Variants in GPAM observed in about 807,000 individuals in gnomAD.
The protein encoded by GPAM is glycerol-3-phosphate acyltransferase, mitochondrial.
Under a neutral mutation model 105.0 loss-of-function variants are expected in GPAM, and 56 were observed. That is an observed-to-expected ratio of 0.53 (90% CI 0.43 to 0.67). The LOEUF is 0.67. GPAM is among the 30% of genes least tolerant of loss of function. GPAM has a pLI of 0.00. For missense variants in GPAM, 855 were observed against 989.8 expected (o/e 0.86, Z 1.83); for synonymous variants, 368 against 354.4 (o/e 1.04, Z -0.43).
chr10:112,216,980 T>C (rs117373094), upstream of GPAM, among the ~76,000 whole-genome samples: 852 of 151,786 alleles, frequency 5.6e-3, 4 homozygotes, highest in African/African-American at 0.02. Flanking sequence ...AAAAAAAAAT[T>C]GATATATAAC....
chr10:112,154,502 T>G, intron 21 of GPAM, 127 bp downstream of exon 21: 1 of 737,768 alleles, frequency 1.4e-6, no homozygotes, highest in South Asian at 1.5e-5. Context: ...AAAAATGCCT[T>G]TATCATTAAG....
chr10:112,175,568 C>A, intron 6 of GPAM, 32 bp downstream of exon 6: 1 of 1,161,922 alleles, frequency 8.6e-7, no homozygotes, highest in Non-Finnish European at 1.3e-6. Flanking sequence ...ATCCCTGCCT[C>A]TTCCCACCTT....
intron 17 of GPAM, among the ~76,000 whole-genome samples, chr10:112,158,792 T>C (rs952667625): frequency 2.0e-5 from 3 of 152,138 alleles, no homozygotes; most frequent in South Asian, 2.1e-4. Flanking sequence ...AAAGTGGTGA[T>C]TGAGGAAAGG....
chr10:112,160,647 G>A lies in GPAM; in HGVS notation c.1716C>T (p.Tyr572=), dbSNP rs1377493614. The change falls in exon 16 of 22, where the codon TAC becomes TAT. Residue 572 remains tyrosine (Y), a synonymous_variant. Transcript: ENST00000348367. ...TVPSVFELNF[Y]SNGVLHVFIM... ...TAAAGACATGAAGTACCCCATTGCT[G>A]TAGAAGTTGAGTTCGAAGACTGATG... is the stretch of plus-strand genomic sequence containing the variant. 1 of 1,613,064 alleles carries A rather than the reference G, an allele frequency of 6.2e-7. No individual in the cohort carries two copies. Among genetic ancestry groups the A allele is most frequent in the South Asian group, 1.1e-5 (1 of 91,066 alleles).
chr10:112,155,972 C>T lies in GPAM; in HGVS notation c.2203G>A (p.Ala735Thr). 6.2e-7 allele frequency: 1 copy of T among 1,611,764 alleles called. No individual in the cohort carries two copies. The highest frequency in any genetic ancestry group is 1.1e-5 in the South Asian group (1 of 91,032). Reference protein sequence around the residue: ...LGPLLEAYSSAAIFVHNFSGP... With the variant: ...LGPLLEAYSSTAIFVHNFSGP... ...CTGAAGTTGTGAACAAAGATGGCAGCAGAGCTGTAGGCCTCCAGCAAAGGC... is the reference window on the plus strand; with the variant it reads ...CTGAAGTTGTGAACAAAGATGGCAGTAGAGCTGTAGGCCTCCAGCAAAGGC... Residue 735 changes from alanine (A) to threonine (T), a missense_variant, in exon 20 of 22, where the codon GCT (alanine) becomes ACT (threonine). Ala to Thr is a moderately conservative substitution (Grantham distance 58). Transcript: ENST00000348367.
intron 1 of GPAM, among the ~76,000 whole-genome samples, chr10:112,211,548 C>G (rs1321225799): frequency 6.6e-6 from 1 of 152,186 alleles, no homozygotes; most frequent in Non-Finnish European, 1.5e-5. Context: ...ACTAGGTCCT[C>G]TGTTCTTTTT....
intron 14 of GPAM, among the ~76,000 whole-genome samples, chr10:112,162,953 C>T (rs1375816915): frequency 6.6e-6 from 1 of 152,024 alleles, no homozygotes; most frequent in African/African-American, 2.4e-5. Flanking sequence ...ATGGGAGGAG[C>T]AAGGTGAGGG....
chr10:112,201,163 G>T (rs1191948519), intron 1 of GPAM, among the ~76,000 whole-genome samples: 1 of 152,176 alleles, frequency 6.6e-6, no homozygotes, highest in South Asian at 2.1e-4. Context: ...GAATCAGGGG[G>T]CAGTGTGAGG....
intron 7 of GPAM, 72 bp downstream of exon 7, chr10:112,173,627 T>A: frequency 2.2e-6 from 3 of 1,384,778 alleles, no homozygotes; most frequent in Non-Finnish European, 2.1e-6. Flanking sequence ...CTAGGAAAGT[T>A]CAATAATTCA....
chr10:112,194,537 T>C (rs896749930), intron 1 of GPAM, among the ~76,000 whole-genome samples: 4 of 152,210 alleles, frequency 2.6e-5, no homozygotes, highest in African/African-American at 7.2e-5. Context: ...TCCAAGATGG[T>C]TTGTGGAGCT....
At chr10:112,216,706 C>A (rs2133312830), upstream of GPAM, among the ~76,000 whole-genome samples, 1 of 152,132 alleles carries the variant, frequency 6.6e-6, no homozygotes, top group East Asian at 1.9e-4. Flanking sequence ...TCACTGCAGC[C>A]TCTGCCTCCT....
At chr10:112,165,813 TA>T (rs1271447536) in intron 12 of GPAM, among the ~76,000 whole-genome samples, 1 of 152,238 alleles carries the variant, frequency 6.6e-6, no homozygotes, top group African/African-American at 2.4e-5. Flanking sequence ...CATGAATTTT[TA>T]TTTTTTTACA....
chr10:112,193,531 A>G (rs1241831361), intron 1 of GPAM, among the ~76,000 whole-genome samples: 1 of 152,218 alleles, frequency 6.6e-6, no homozygotes, highest in Non-Finnish European at 1.5e-5. Flanking sequence ...TCCTCTCAAT[A>G]GCCCCATGGG....
In GPAM at chr10:112,212,887, T is replaced by C. The variant is rs118119965; in HGVS notation, n.210+2281A>G. Among the ~76,000 whole-genome samples the C allele has an allele frequency of 5.8e-3, 887 of 152,314 alleles. 5 individuals carry two copies. The highest frequency in any genetic ancestry group is 0.02 in the Middle Eastern group (6 of 294). The stretch of plus-strand genomic sequence containing the variant: ...AATGGTAGCTTCATTAAGCACTTAC[T>C]TCAAGGCTGGAAAAACGATTTGGAG... On this transcript the variant is annotated intron_variant and non_coding_transcript_variant, in intron 1 of 3. Coordinates refer to the GPAM transcript ENST00000480130.
chr10:112,161,545 T>C, intron 15 of GPAM, 122 bp downstream of exon 15: 1 of 752,566 alleles, frequency 1.3e-6, no homozygotes. Flanking sequence ...TCAGCTTATT[T>C]TACTGTTTAC....
intron 1 of GPAM, among the ~76,000 whole-genome samples, chr10:112,196,758 A>G (rs1214792742): frequency 6.6e-6 from 1 of 152,224 alleles, no homozygotes; most frequent in East Asian, 1.9e-4. Flanking sequence ...CAGGATCACA[A>G]GGTGCAATTT....
At chr10:112,181,132 G>C (rs553302570) in intron 3 of GPAM, among the ~76,000 whole-genome samples, 61 of 150,870 alleles carry the variant, frequency 4.0e-4, no homozygotes, top group Admixed American at 1.7e-3. Flanking sequence ...GCTTAACTTT[G>C]AGCTCAGTTG....
At chr10:112,166,294 C>A (rs73349205) in intron 12 of GPAM, 108 bp downstream of exon 12, 4 of 751,202 alleles carry the variant, frequency 5.3e-6, no homozygotes, top group East Asian at 5.2e-5. Flanking sequence ...TACAGGAGAG[C>A]AAACTGCAGC....
At chr10:112,179,663 C>T (rs1847472440) in intron 4 of GPAM, among the ~76,000 whole-genome samples, 1 of 152,164 alleles carries the variant, frequency 6.6e-6, no homozygotes, top group African/African-American at 2.4e-5. Context: ...GTAGAAAATT[C>T]ACACAGCACA....
Sources: gnomAD v4.1 joint callset for allele counts (sites outside exome capture counted in the v4.1 genomes callset) on GRCh38, gnomAD v4.1.1 for gene constraint, MANE v1.5 for transcripts, NCBI Gene and HGNC (gene_info 2026-07-23, HGNC 2026-07-21) for gene names.